The following XKR6 variants were observed in gnomAD, a reference collection of about 807,000 sequenced individuals.
The protein encoded by XKR6 is XK related 6, also known as XK-related protein 6.
Under a neutral mutation model 56.7 loss-of-function variants are expected in XKR6, and 22 were observed. The observed-to-expected ratio is 0.39, with a 90% CI of 0.28 to 0.55. XKR6 has a LOEUF of 0.55. Ranked by LOEUF, XKR6 falls within the 20% of genes least tolerant of loss-of-function variation. The pLI is 0.66. For synonymous variants in XKR6, 524 were observed against 387.8 expected (o/e 1.35, Z -4.13); for missense variants, 852 against 889.0 (o/e 0.96, Z 0.53).
intron 2 of XKR6, among the ~76,000 whole-genome samples, chr8:10,912,466 T>TAGAG (rs1172368505): frequency 2.1e-4 from 21 of 98,272 alleles, no homozygotes; most frequent in African/African-American, 4.7e-4. Flanking sequence ...TATATATATA[T>TAGAG]AGAGAGAGAG....
At chr8:10,947,519 G>T (rs1231240360) in intron 1 of XKR6, among the ~76,000 whole-genome samples, 2 of 152,150 alleles carry the variant, frequency 1.3e-5, no homozygotes, top group African/African-American at 4.8e-5. Context: ...TAGCTTCCAT[G>T]GAAGAGGAAG....
intron 1 of XKR6, among the ~76,000 whole-genome samples, chr8:11,021,609 G>T (rs1798750912): frequency 6.6e-6 from 1 of 152,122 alleles, no homozygotes; most frequent in South Asian, 2.1e-4. Flanking sequence ...GGACCCAGGA[G>T]CCCAAAGCAC....
chr8:10,911,180 C>A (rs181747612), intron 2 of XKR6, among the ~76,000 whole-genome samples: 2,855 of 144,164 alleles, frequency 0.02, 89 homozygotes, highest in African/African-American at 0.071. Flanking sequence ...AGTATATATA[C>A]ATATAGAGAG....
intron 1 of XKR6, among the ~76,000 whole-genome samples, chr8:11,133,372 C>T (rs941720539): frequency 2.0e-5 from 3 of 152,100 alleles, no homozygotes; most frequent in African/African-American, 7.3e-5. Context: ...GGCCTCTGAG[C>T]TGGACCTAAC....
intron 1 of XKR6, among the ~76,000 whole-genome samples, chr8:10,935,378 G>T (rs1366005210): frequency 8.8e-5 from 11 of 125,286 alleles, no homozygotes; most frequent in South Asian, 2.5e-4. Flanking sequence ...TTTTTGAAGG[G>T]TTTTTTGTGT....
chr8:10,947,561 A>C (rs1304689661), intron 1 of XKR6, among the ~76,000 whole-genome samples: 3 of 152,176 alleles, frequency 2.0e-5, no homozygotes, highest in East Asian at 1.9e-4. Flanking sequence ...CCTGGTGATC[A>C]GGGAAGAGAA....
chr8:11,185,352 G>T (rs955317645), intron 1 of XKR6, among the ~76,000 whole-genome samples: 5 of 152,196 alleles, frequency 3.3e-5, no homozygotes, highest in South Asian at 4.1e-4. Context: ...TTTGTGAACA[G>T]AAATATGCCA....
chr8:11,001,623 G>A (rs544959288), intron 1 of XKR6, among the ~76,000 whole-genome samples: 15 of 152,342 alleles, frequency 9.8e-5, no homozygotes, highest in African/African-American at 3.6e-4. Flanking sequence ...AGAGTCAGCA[G>A]GGCCCCCCAT....
At chr8:11,009,336 C>T (rs1188737225) in intron 1 of XKR6, among the ~76,000 whole-genome samples, 2 of 152,056 alleles carry the variant, frequency 1.3e-5, no homozygotes, top group Non-Finnish European at 1.5e-5. Flanking sequence ...CATGGAGAGA[C>T]CCTGTCTTTA....
At position 10,997,659 on chromosome 8, in the gene XKR6, A is replaced by T. The variant is rs1302517535; in HGVS notation, c.765-72829T>A. Among the ~76,000 whole-genome samples, 11 of 152,264 alleles carry T rather than the reference A, an allele frequency of 7.2e-5. No homozygotes were observed. In the East Asian group the frequency reaches 2.1e-3, roughly 29 times the overall value. ...TCTGCAGGAGGCGTGTGGAAATGCA[A>T]TGAGGGTGTGGAAATGCAATGAGGC... On this transcript the variant is annotated intron_variant, in intron 1 of 2. Coordinates refer to ENST00000416569, the MANE Select transcript of XKR6 (RefSeq NM_173683.4).
At chr8:10,942,867 G>A (rs1463861885) in intron 1 of XKR6, among the ~76,000 whole-genome samples, 6 of 152,232 alleles carry the variant, frequency 3.9e-5, no homozygotes, top group Non-Finnish European at 7.3e-5. Flanking sequence ...TTGCAAGATC[G>A]CATTCTTGCC....
intron 1 of XKR6, among the ~76,000 whole-genome samples, chr8:11,072,528 C>A (rs1476252755): frequency 1.3e-5 from 2 of 152,160 alleles, no homozygotes; most frequent in Non-Finnish European, 2.9e-5. Flanking sequence ...GAGACTTGCC[C>A]AAGGTCATGC....
rs565427877 is a variant in XKR6 at position 11,005,912 on chromosome 8, C to T, written c.765-81082G>A. 2.8e-5 allele frequency among the ~76,000 whole-genome samples: 4 copies of T among 141,414 alleles called. No homozygotes were observed. The East Asian group carries it at 6.3e-4, about 22-fold the overall frequency. 92.8% of individuals were successfully genotyped at this position (141,414 alleles called of 152,430 possible). On this transcript the variant is annotated intron_variant, in intron 1 of 2. Coordinates refer to ENST00000416569, the MANE Select transcript of XKR6 (RefSeq NM_173683.4). ...AGGCTAGAGCATAGTGGCACATTCTCAGCTCACTGCACAGTCTGCCTTCTG... is the reference window on the plus strand; with the variant it reads ...AGGCTAGAGCATAGTGGCACATTCTTAGCTCACTGCACAGTCTGCCTTCTG...
chr8:11,035,501 G>C (rs1799117568), intron 1 of XKR6, among the ~76,000 whole-genome samples: 1 of 152,212 alleles, frequency 6.6e-6, no homozygotes, highest in Non-Finnish European at 1.5e-5. Context: ...AAAGGGAGGA[G>C]GAAGCCCCAG....
rs750488723 is a variant in XKR6 at position 11,201,244 on chromosome 8, C to T, written c.96G>A (p.Gly32=). ...CGCCGCAGCCGCCTCCCCCGGGCTCCCCGTCCTCCTCGCCGCCGCTGCCCA... is the reference window on the plus strand; with the variant it reads ...CGCCGCAGCCGCCTCCCCCGGGCTCTCCGTCCTCCTCGCCGCCGCTGCCCA... ...EAVGSGGEED[G]EPGGGGCGGG... The change falls in exon 1 of 3, where the codon GGG becomes GGA. Residue 32 remains glycine (G), a synonymous_variant. Transcript: ENST00000416569. 3.8e-5 allele frequency: 59 copies of T among 1,563,248 alleles called. No individual in the cohort carries two copies. Among genetic ancestry groups the T allele is most frequent in the African/African-American group, 2.3e-4 (17 of 72,840 alleles).
At chr8:11,132,336 T>G (rs1800143693) in intron 1 of XKR6, among the ~76,000 whole-genome samples, 1 of 152,052 alleles carries the variant, frequency 6.6e-6, no homozygotes, top group Admixed American at 6.6e-5. Flanking sequence ...CAAACCTAAA[T>G]AACTTACTTT....
chr8:11,018,723 C>A (rs1798681883), intron 1 of XKR6, among the ~76,000 whole-genome samples: 2 of 152,170 alleles, frequency 1.3e-5, no homozygotes, highest in African/African-American at 4.8e-5. Flanking sequence ...CCAAAAGATT[C>A]TTCCTGAAAC....
At chr8:11,070,976 CA>C (rs1261061465) in intron 1 of XKR6, among the ~76,000 whole-genome samples, 11 of 152,284 alleles carry the variant, frequency 7.2e-5, no homozygotes, top group African/African-American at 2.6e-4. Flanking sequence ...GGCGCTATCC[CA>C]AGAAGCTACA....
chr8:11,197,851 A>G (rs918812436), intron 1 of XKR6, among the ~76,000 whole-genome samples: 1 of 151,152 alleles, frequency 6.6e-6, no homozygotes, highest in Non-Finnish European at 1.5e-5. Flanking sequence ...AGGGAAACTA[A>G]GTTTTATTAA....
Sources: gnomAD v4.1 joint callset for allele counts (sites outside exome capture counted in the v4.1 genomes callset) on GRCh38, gnomAD v4.1.1 for gene constraint, MANE v1.5 for transcripts, NCBI Gene and HGNC (gene_info 2026-07-23, HGNC 2026-07-21) for gene names.